Variants in KLF8 observed in about 807,000 individuals in gnomAD.
KLF8 encodes the protein Krueppel-like factor 8.
KLF8 carries 10 observed loss-of-function variants against 18.2 expected under a neutral mutation model. The ratio of observed to expected loss-of-function variants is 0.55; its 90% CI spans 0.34 to 0.93. The LOEUF (loss-of-function observed/expected upper bound fraction) is 0.93, where lower values mean the gene tolerates loss of function less well. KLF8 is among the 40% of genes least tolerant of loss of function. The pLI is 0.02. For missense variants in KLF8, 264 were observed against 277.9 expected, an observed-to-expected ratio of 0.95 and a Z score of 0.36; for synonymous variants, 109 against 97.3, an observed-to-expected ratio of 1.12 and a Z score of -0.71.
chrX:56,186,991 CA>C, the KLF8 span, among the ~76,000 whole-genome samples: 1 of 111,424 alleles, frequency 9.0e-6, no homozygotes, highest in Non-Finnish European at 1.9e-5. Context: ...CAAACACATT[CA>C]AAAGCTAGCA....
At chrX:56,202,357 C>T in the KLF8 span, among the ~76,000 whole-genome samples, 111 of 110,463 alleles carry the variant, frequency 1.0e-3, no homozygotes, top group African/African-American at 3.5e-3. Context: ...TACAGGCATG[C>T]GATGTGAAAG....
chrX:56,283,225 C>G, intron 5 of KLF8, among the ~76,000 whole-genome samples: 1 of 111,530 alleles, frequency 9.0e-6, no homozygotes, highest in Non-Finnish European at 1.9e-5. Flanking sequence ...GGGCATGGAG[C>G]TATTTCAAAA....
At chrX:56,270,595 T>C (rs933434737) in intron 5 of KLF8, among the ~76,000 whole-genome samples, 3 of 111,046 alleles carry the variant, frequency 2.7e-5, no homozygotes, top group African/African-American at 9.8e-5. Flanking sequence ...CTAAACTAAA[T>C]CTGGTGTCTT....
chrX:56,243,446 T>A (rs2066575903), intron 1 of KLF8: 2 of 203,436 alleles, frequency 9.8e-6, no homozygotes, highest in South Asian at 1.8e-4. Context: ...TACTTCTGAG[T>A]ACCTGCTGTG....
the KLF8 span, among the ~76,000 whole-genome samples, chrX:55,959,783 A>C: frequency 8.9e-6 from 1 of 111,972 alleles, no homozygotes; most frequent in Non-Finnish European, 1.9e-5. Context: ...CTTGAAAGAG[A>C]TGAAGACAGA....
At chrX:55,973,399 A>G in the KLF8 span, among the ~76,000 whole-genome samples, 1 of 112,277 alleles carries the variant, frequency 8.9e-6, no homozygotes. Context: ...AAAAGAAATG[A>G]TCACAGAGTA....
At chrX:56,266,280 A>G (rs1165085455) in intron 3 of KLF8, 6 of 750,146 alleles carry the variant, frequency 8.0e-6, no homozygotes, top group African/African-American at 7.0e-5. Context: ...TCTCTTCCCT[A>G]CAAAAGAAGT....
the KLF8 span, among the ~76,000 whole-genome samples, chrX:56,221,779 A>G: frequency 8.9e-6 from 1 of 111,850 alleles, no homozygotes; most frequent in South Asian, 3.8e-4. Flanking sequence ...AAGAGTGAGC[A>G]GCAGCAAGAT....
At chrX:56,031,242 G>A in the KLF8 span, among the ~76,000 whole-genome samples, 12,683 of 111,237 alleles carry the variant, frequency 0.11, 1,300 homozygotes, top group African/African-American at 0.33. Context: ...ACAAAGAACA[G>A]GTAAAGAGGG....
At chrX:56,087,013 G>T in the KLF8 span, among the ~76,000 whole-genome samples, 1 of 111,532 alleles carries the variant, frequency 9.0e-6, no homozygotes, top group Non-Finnish European at 1.9e-5. Flanking sequence ...TTAAGGTCAG[G>T]TTGGAACTAG....
At chrX:56,004,880 C>T in the KLF8 span, among the ~76,000 whole-genome samples, 1 of 110,939 alleles carries the variant, frequency 9.0e-6, no homozygotes. Context: ...ACTGACAACT[C>T]GCTTGTCAGC....
the KLF8 span, among the ~76,000 whole-genome samples, chrX:56,078,678 C>T: frequency 2.7e-5 from 3 of 111,660 alleles, no homozygotes; most frequent in Non-Finnish European, 3.8e-5. Context: ...GGGAGGATTC[C>T]CTCTTTTTCT....
chrX:56,043,415 C>G, the KLF8 span, among the ~76,000 whole-genome samples: 1 of 111,425 alleles, frequency 9.0e-6, no homozygotes, highest in Non-Finnish European at 1.9e-5. Flanking sequence ...TATTTTCCAA[C>G]TTGGTTCCAT....
chrX:55,946,315 C>A, the KLF8 span, among the ~76,000 whole-genome samples: 1 of 111,015 alleles, frequency 9.0e-6, no homozygotes, highest in Non-Finnish European at 1.9e-5. Flanking sequence ...AGAACAGAGC[C>A]CTCAGAAATA....
At chrX:56,080,026 T>A in the KLF8 span, among the ~76,000 whole-genome samples, 3 of 111,380 alleles carry the variant, frequency 2.7e-5, no homozygotes, top group African/African-American at 9.8e-5. Flanking sequence ...TCCTTCTATT[T>A]TGAGCCTATG....
At chrX:55,939,132 T>A in the KLF8 span, among the ~76,000 whole-genome samples, 2 of 110,945 alleles carry the variant, frequency 1.8e-5, no homozygotes, top group African/African-American at 6.6e-5. Flanking sequence ...GAAGTAAAGC[T>A]CTCCTCAGCA....
chrX:56,146,854 A>C, the KLF8 span, among the ~76,000 whole-genome samples: 3 of 112,253 alleles, frequency 2.7e-5, no homozygotes, highest in Non-Finnish European at 5.6e-5. Context: ...GGTTTAAAAC[A>C]CATATTTTCT....
the KLF8 span, among the ~76,000 whole-genome samples, chrX:56,121,185 C>CAA: frequency 0.17 from 6,777 of 40,687 alleles, 998 homozygotes; most frequent in African/African-American, 0.38. Flanking sequence ...GACTCCGTCT[C>CAA]AAAAAAAAAA....
the KLF8 span, among the ~76,000 whole-genome samples, chrX:56,048,665 C>T: frequency 8.9e-6 from 1 of 111,952 alleles, no homozygotes; most frequent in African/African-American, 3.2e-5. Flanking sequence ...GTTTTGGTTA[C>T]TGTAGCCTTG....
Sources: gnomAD v4.1 joint callset for allele counts (sites outside exome capture counted in the v4.1 genomes callset) on GRCh38, gnomAD v4.1.1 for gene constraint, MANE v1.5 for transcripts, NCBI Gene and HGNC (gene_info 2026-07-23, HGNC 2026-07-21) for gene names.